Variants in OSGEPL1 observed in about 807,000 individuals in gnomAD.
The protein encoded by OSGEPL1 is tRNA N6-adenosine threonylcarbamoyltransferase, mitochondrial.
A neutral mutation model predicts 37.2 loss-of-function variants in OSGEPL1; 26 were observed. The observed-to-expected ratio is 0.70, with a 90% CI of 0.51 to 0.97. The LOEUF (loss-of-function observed/expected upper bound fraction) is 0.97, where lower values mean the gene tolerates loss of function less well. Ranked by LOEUF, OSGEPL1 falls within the 50% of genes least tolerant of loss-of-function variation. The pLI, the probability that OSGEPL1 is intolerant of heterozygous loss-of-function variation, is 0.00. For missense variants in OSGEPL1, 404 were observed against 487.0 expected (o/e 0.83, Z 1.60); for synonymous variants, 140 against 159.9 (o/e 0.88, Z 0.94).
intron 7 of OSGEPL1, among the ~76,000 whole-genome samples, chr2:189,751,287 G>A (rs1272163628): frequency 1.3e-5 from 2 of 152,146 alleles, no homozygotes; most frequent in East Asian, 3.9e-4. Flanking sequence ...CCACAAGGGG[G>A]CATAACTGAA....
chr2:189,761,370 A>T, intron 2 of OSGEPL1, 50 bp downstream of exon 2: 1 of 1,549,322 alleles, frequency 6.5e-7, no homozygotes. Context: ...CAAAAGAATG[A>T]TTTTACTTTT....
At chr2:189,751,007 A>G (rs2045097703) in intron 7 of OSGEPL1, among the ~76,000 whole-genome samples, 2 of 152,250 alleles carry the variant, frequency 1.3e-5, no homozygotes, top group African/African-American at 4.8e-5. Flanking sequence ...CCACACAGCT[A>G]AAGTCAAACC....
chr2:189,760,316 C>A (rs909825097), intron 2 of OSGEPL1, among the ~76,000 whole-genome samples: 1 of 152,200 alleles, frequency 6.6e-6, no homozygotes, highest in Non-Finnish European at 1.5e-5. Context: ...GGGCTCCTCA[C>A]TTCCCAGAGG....
chr2:189,752,504 C>T, intron 7 of OSGEPL1, 149 bp downstream of exon 7: 1 of 719,614 alleles, frequency 1.4e-6, no homozygotes, highest in Non-Finnish European at 2.3e-6. Flanking sequence ...CATATGGTAT[C>T]AACCTTAACT....
At chr2:189,762,633 T>C in intron 1 of OSGEPL1, 52 bp downstream of exon 1, 1 of 985,448 alleles carries the variant, frequency 1.0e-6, no homozygotes, top group Non-Finnish European at 1.2e-6. Context: ...GGAACCGCTT[T>C]TCCAGGTGCG....
In OSGEPL1 at chr2:189,750,586, C is replaced by G. The variant is rs1283110082; in HGVS notation, c.1237G>C (p.Glu413Gln). 1 of 1,570,794 alleles carries G rather than the reference C, an allele frequency of 6.4e-7. No individual in the cohort carries two copies. ...ASIKVPQLKMEI is the reference protein window; with the variant it reads ...ASIKVPQLKMQI The stretch of plus-strand genomic sequence containing the variant: ...TTTTTGAACAGCAGAAATCATATCT[C>G]CATTTTTAATTGTGGTACTTTTATG... The change falls in exon 8 of 9, where the codon GAG becomes CAG. Residue 413 changes from glutamate to glutamine, a missense_variant. Physicochemically the swap from Glu to Gln is conservative, Grantham distance 29. Transcript: ENST00000264151.
intron 2 of OSGEPL1, among the ~76,000 whole-genome samples, chr2:189,756,749 C>A (rs2046145177): frequency 6.6e-6 from 1 of 152,150 alleles, no homozygotes; most frequent in African/African-American, 2.4e-5. Flanking sequence ...GTCTCAAAAG[C>A]CCTCATCTCA....
upstream of OSGEPL1, chr2:189,763,059 C>T (rs773848011): frequency 1.6e-5 from 16 of 984,188 alleles, no homozygotes; most frequent in Admixed American, 6.2e-5. Context: ...TTTTTTTTTG[C>T]CCTTGGCTGG....
chr2:189,760,591 GACCATCCTGGCCAAC>G (rs1261488499), intron 2 of OSGEPL1, among the ~76,000 whole-genome samples: 1 of 152,188 alleles, frequency 6.6e-6, no homozygotes, highest in Non-Finnish European at 1.5e-5. Context: ...AGGAGATTGA[GACCATCCTGGCCAAC>G]ATGGTGAAAC....
intron 2 of OSGEPL1, among the ~76,000 whole-genome samples, chr2:189,758,419 T>C (rs1426202760): frequency 3.3e-5 from 5 of 150,580 alleles, no homozygotes; most frequent in African/African-American, 7.3e-5. Context: ...TCACCCCCCC[T>C]CTCTCGGTCC....
intron 2 of OSGEPL1, among the ~76,000 whole-genome samples, chr2:189,758,414 C>T (rs1213073315): frequency 2.0e-5 from 3 of 151,880 alleles, no homozygotes; most frequent in African/African-American, 7.3e-5. Flanking sequence ...GCACCTCACC[C>T]CCCCTCTCTC....
At position 189,761,562 on chromosome 2, in the gene OSGEPL1, T is replaced by G. The variant is rs116007546; in HGVS notation, c.79A>C (p.Asn27His). The G allele has an allele frequency of 9.1e-4, 1,473 of 1,610,434 alleles. 13 individuals carry two copies. In the African/African-American group the frequency reaches 0.018, roughly 19 times the overall value. ...AGAAATAGTGTTCCAGGATGAAAAT[T>G]AAAACTTCTTAAAAATTCATAAACT... ...RKVYEFLRSFNFHPGTLFLHK... is the reference protein window; with the variant it reads ...RKVYEFLRSFHFHPGTLFLHK... Residue 27 changes from asparagine (N) to histidine (H), a missense_variant, in exon 2 of 9, where the codon AAT becomes CAT. Physicochemically the swap from Asn to His is moderately conservative, Grantham distance 68 (BLOSUM62 1). Transcript: ENST00000264151.
At chr2:189,758,720 T>C (rs1185329195) in intron 2 of OSGEPL1, among the ~76,000 whole-genome samples, 1 of 152,224 alleles carries the variant, frequency 6.6e-6, no homozygotes, top group African/African-American at 2.4e-5. Flanking sequence ...GCACTAGGCA[T>C]AGCATAGTGA....
Position 189,762,763 on chromosome 2 carries a change from G to T in OSGEPL1, c.-99C>A, listed in dbSNP as rs1182566985. The T allele has an allele frequency of 3.0e-6, 3 of 985,386 alleles. No homozygotes were observed. Among genetic ancestry groups the T allele is most frequent in the Admixed American group, 1.2e-4 (2 of 16,264 alleles). 61.0% of individuals were successfully genotyped at this position (985,386 alleles called of 1,614,324 possible). A position where few individuals can be genotyped will look rare whatever the true frequency, so the allele number is the denominator to read the frequency against. On this transcript the variant is annotated 5_prime_UTR_variant, in exon 1 of 9. Transcript: ENST00000264151. ...GTCGACTGCCCTTATCGCTGCAGGA[G>T]AAAGCCCGAACCTGGCGCCCGGAAG...
At chr2:189,759,960 CTT>C (rs2046743144) in intron 2 of OSGEPL1, among the ~76,000 whole-genome samples, 1 of 152,104 alleles carries the variant, frequency 6.6e-6, no homozygotes, top group African/African-American at 2.4e-5. Context: ...GGTGATGACT[CTT>C]AACGAGTATG....
chr2:189,758,295 C>T (rs539023638), intron 2 of OSGEPL1, among the ~76,000 whole-genome samples: 10 of 152,144 alleles, frequency 6.6e-5, no homozygotes, highest in South Asian at 4.2e-4. Context: ...GGGGGAGAAT[C>T]GCTTGAACCC....
Position 189,755,206 on chromosome 2 carries a change from A to G in OSGEPL1, c.576T>C (p.Ser192=), listed in dbSNP as rs1371924288. The change falls in exon 3 of 9, where the codon TCT becomes TCC. Residue 192 remains serine (S), a synonymous_variant. Coordinates refer to ENST00000264151, the MANE Select transcript of OSGEPL1 (RefSeq NM_022353.3). The part of the protein sequence containing the change: ...GVSDFLLLGK[S]LDIAPGDMLD... ...GCATGTCACCTGGTGCTATGTCCAAAGACTTTCCAAGAAGCAGAAAATCTG... is the reference window on the plus strand; with the variant it reads ...GCATGTCACCTGGTGCTATGTCCAAGGACTTTCCAAGAAGCAGAAAATCTG... The G allele has an allele frequency of 1.2e-6, 2 of 1,611,796 alleles. No homozygotes were observed. The highest frequency in any genetic ancestry group is 1.7e-6 in the Non-Finnish European group (2 of 1,179,370).
In OSGEPL1 at chr2:189,762,765, A is replaced by C. The variant is rs2047317886; in HGVS notation, c.-101T>G. 1.0e-6 allele frequency: 1 copy of C among 985,382 alleles called. No homozygotes were observed. The highest frequency in any genetic ancestry group is 1.2e-6 in the Non-Finnish European group (1 of 830,028). 61.0% of individuals were successfully genotyped at this position (985,382 alleles called of 1,614,324 possible). A position where few individuals can be genotyped will look rare whatever the true frequency, so the allele number is the denominator to read the frequency against. On this transcript the variant is annotated 5_prime_UTR_variant, in exon 1 of 9. Coordinates refer to ENST00000264151, the MANE Select transcript of OSGEPL1 (RefSeq NM_022353.3). Reference sequence around the variant, plus strand: ...CGACTGCCCTTATCGCTGCAGGAGAAAGCCCGAACCTGGCGCCCGGAAGTG... The same window carrying C: ...CGACTGCCCTTATCGCTGCAGGAGACAGCCCGAACCTGGCGCCCGGAAGTG...
chr2:189,762,889 C>G, upstream of OSGEPL1: 1 of 985,422 alleles, frequency 1.0e-6, no homozygotes. Flanking sequence ...CGTCTTTGCC[C>G]AAAACGCTCT....
Sources: allele counts gnomAD v4.1 joint callset (sites outside exome capture counted in the v4.1 genomes callset), GRCh38; gene constraint gnomAD v4.1.1; transcripts MANE v1.5; gene names NCBI Gene and HGNC (gene_info 2026-07-23, HGNC 2026-07-21).